The following DTNA variants were observed in gnomAD, a reference collection of about 807,000 sequenced individuals.
DTNA encodes dystrobrevin alpha, also known as dystrophin-related protein 3.
DTNA carries 43 observed loss-of-function variants against 100.7 expected under a neutral mutation model. The ratio of observed to expected loss-of-function variants is 0.43; its 90% CI spans 0.33 to 0.55. The LOEUF (loss-of-function observed/expected upper bound fraction) is 0.55, where lower values mean the gene tolerates loss of function less well. Among genes scored for constraint, DTNA ranks in the 20% least tolerant of loss-of-function variants. The probability of loss-of-function intolerance (pLI) is 0.04; values close to 1 mark genes in which losing one functional copy is unlikely to be tolerated. For synonymous variants in DTNA, 349 were observed against 347.9 expected (o/e 1.00, Z -0.04); for missense variants, 798 against 953.9 (o/e 0.84, Z 2.15).
rs886543713 is a variant in DTNA, at chr18:34,888,530, T to C, written c.*796T>C. 3.0e-6 allele frequency: 3 copies of C among 985,274 alleles called. No individual in the cohort carries two copies. Among genetic ancestry groups the C allele is most frequent in the East Asian group, 2.3e-4 (2 of 8,822 alleles). 61.0% of individuals were successfully genotyped at this position (985,274 alleles called of 1,614,324 possible). A position where few individuals can be genotyped will look rare whatever the true frequency, so the allele number is the denominator to read the frequency against. Reference sequence around the variant, plus strand: ...CAGCCATAGAATTTAGTGTAAATATTTTTTTTTCCAAATAGATATCATATT... The same window carrying C: ...CAGCCATAGAATTTAGTGTAAATATCTTTTTTTCCAAATAGATATCATATT... On this transcript the variant is annotated 3_prime_UTR_variant, in exon 23 of 23. Transcript: ENST00000444659.
chr18:34,637,650 C>T (rs2058805493), intron 1 of DTNA, among the ~76,000 whole-genome samples: 1 of 152,170 alleles, frequency 6.6e-6, no homozygotes, highest in Non-Finnish European at 1.5e-5. Flanking sequence ...GAGTGCAGGA[C>T]CTGGACCTAT....
rs890921534 is a variant in DTNA, at chr18:34,888,796, G to A, written c.*1062G>A. On this transcript the variant is annotated 3_prime_UTR_variant, in exon 23 of 23. Coordinates refer to ENST00000444659, the MANE Select transcript of DTNA (RefSeq NM_001386795.1). ...GCTCGTTCACAAGTTCCCCCATCAA[G>A]TTGTTTGGAGGCCTTCAGCTTTAAA... is the stretch of plus-strand genomic sequence containing the variant. 2.0e-6 allele frequency: 2 copies of A among 985,750 alleles called. No individual in the cohort carries two copies. Among genetic ancestry groups the A allele is most frequent in the African/African-American group, 3.5e-5 (2 of 57,224 alleles). 61.1% of individuals were successfully genotyped at this position (985,750 alleles called of 1,614,324 possible). A position where few individuals can be genotyped will look rare whatever the true frequency, so the allele number is the denominator to read the frequency against.
At chr18:34,837,690 C>A (rs896740062) in intron 11 of DTNA, among the ~76,000 whole-genome samples, 1 of 152,118 alleles carries the variant, frequency 6.6e-6, no homozygotes, top group East Asian at 1.9e-4. Context: ...GTCTTTCTAT[C>A]CAGAACAGAA....
chr18:34,545,429 A>T (rs2044674263), intron 1 of DTNA, among the ~76,000 whole-genome samples: 4 of 152,116 alleles, frequency 2.6e-5, no homozygotes, highest in African/African-American at 9.7e-5. Context: ...TTTCTCAGTT[A>T]TGTTTTTGTT....
intron 1 of DTNA, among the ~76,000 whole-genome samples, chr18:34,567,015 A>T (rs1487528537): frequency 6.6e-6 from 1 of 152,208 alleles, no homozygotes; most frequent in East Asian, 1.9e-4. Flanking sequence ...TGAATAAATC[A>T]TTCCATGGTA....
At chr18:34,728,339 A>T (rs2087232605) in intron 1 of DTNA, among the ~76,000 whole-genome samples, 1 of 152,210 alleles carries the variant, frequency 6.6e-6, no homozygotes, top group Non-Finnish European at 1.5e-5. Flanking sequence ...ACAGAAGGGA[A>T]TTATAATAGG....
At chr18:34,843,069 C>G (rs2149788609) in intron 13 of DTNA, among the ~76,000 whole-genome samples, 1 of 152,152 alleles carries the variant, frequency 6.6e-6, no homozygotes, top group East Asian at 1.9e-4. Context: ...AGTGCAGTAG[C>G]TAAAAAAATT....
At chr18:34,814,520 G>GA (rs112962760) in intron 6 of DTNA, among the ~76,000 whole-genome samples, 458 of 141,108 alleles carry the variant, frequency 3.2e-3, no homozygotes, top group East Asian at 5.4e-3. Context: ...TCTCATCTCT[G>GA]AAAAAAAAAA....
At chr18:34,815,692 G>A in intron 6 of DTNA, 1 of 514,126 alleles carries the variant, frequency 1.9e-6, no homozygotes, top group Non-Finnish European at 3.5e-6. Context: ...CAGCCTCAGT[G>A]GAGAGAATTC....
chr18:34,535,503 C>A (rs2043610108), intron 1 of DTNA, among the ~76,000 whole-genome samples: 1 of 151,974 alleles, frequency 6.6e-6, no homozygotes, highest in Non-Finnish European at 1.5e-5. Context: ...TTAATTAGAT[C>A]CCATTTGTCA....
At chr18:34,526,794 A>G (rs2145380243) in intron 1 of DTNA, among the ~76,000 whole-genome samples, 1 of 152,214 alleles carries the variant, frequency 6.6e-6, no homozygotes, top group African/African-American at 2.4e-5. Flanking sequence ...TGTTTTCTCA[A>G]TGAGCAAGAG....
chr18:34,543,259 A>T (rs955066876), intron 1 of DTNA, among the ~76,000 whole-genome samples: 4 of 151,836 alleles, frequency 2.6e-5, no homozygotes, highest in African/African-American at 4.8e-5. Flanking sequence ...AAATAATGAA[A>T]TGTATTTATT....
At chr18:34,631,570 G>A (rs1028756596) in intron 1 of DTNA, among the ~76,000 whole-genome samples, 7 of 152,146 alleles carry the variant, frequency 4.6e-5, no homozygotes, top group African/African-American at 1.7e-4. Flanking sequence ...ATAGTTTTAA[G>A]AAGCAAAGTG....
chr18:34,789,764 A>G (rs1014930831), intron 3 of DTNA, among the ~76,000 whole-genome samples: 5 of 152,166 alleles, frequency 3.3e-5, no homozygotes, highest in Non-Finnish European at 7.4e-5. Context: ...TCCTTATATT[A>G]GGACCTTCAA....
chr18:34,825,122 C>T lies in DTNA; in HGVS notation c.1002-2471C>T. On this transcript the variant is annotated intron_variant, in intron 9 of 22. Transcript: ENST00000444659. Reference sequence around the variant, plus strand: ...TTTCTACCCACCTTGTAGAGAGGTGCTGCCAGTCATGAATTAGTCCTTAAA... The same window carrying T: ...TTTCTACCCACCTTGTAGAGAGGTGTTGCCAGTCATGAATTAGTCCTTAAA... 6 of 1,093,928 alleles carry T rather than the reference C, an allele frequency of 5.5e-6. No homozygotes were observed. The South Asian group carries it at 6.4e-5, about 12-fold the overall frequency. The allele number at this position is 1,093,928 out of a possible 1,614,324, so 67.8% of individuals were successfully genotyped here. A position where few individuals can be genotyped will look rare whatever the true frequency, so the allele number is the denominator to read the frequency against.
At chr18:34,654,692 T>TAAATA (rs2074100240) in intron 1 of DTNA, among the ~76,000 whole-genome samples, 18 of 152,194 alleles carry the variant, frequency 1.2e-4, no homozygotes, top group Admixed American at 9.2e-4. Flanking sequence ...TATGTTCCAC[T>TAAATA]ATGTATGTGT....
chr18:34,866,471 C>A (rs506619), intron 17 of DTNA: 3 of 1,220,488 alleles, frequency 2.5e-6, no homozygotes, highest in Non-Finnish European at 3.1e-6. Flanking sequence ...CTTCTCTTAA[C>A]AGAGAGATAC....
intron 1 of DTNA, among the ~76,000 whole-genome samples, chr18:34,682,731 T>C (rs954383082): frequency 6.6e-6 from 1 of 152,194 alleles, no homozygotes; most frequent in Non-Finnish European, 1.5e-5. Context: ...TTAAAAGTTC[T>C]TTGTATATTA....
intron 3 of DTNA, among the ~76,000 whole-genome samples, chr18:34,773,679 G>C (rs1276355851): frequency 6.6e-6 from 1 of 152,180 alleles, no homozygotes; most frequent in Non-Finnish European, 1.5e-5. Context: ...GGTGGCAGTG[G>C]AATATAAACA....
Sources: gnomAD v4.1 joint callset for allele counts (sites outside exome capture counted in the v4.1 genomes callset) on GRCh38, gnomAD v4.1.1 for gene constraint, MANE v1.5 for transcripts, NCBI Gene and HGNC (gene_info 2026-07-23, HGNC 2026-07-21) for gene names.